NDFIP2: variants seen among roughly 807,000 people sequenced by gnomAD.
The protein encoded by NDFIP2 is Nedd4 family interacting protein 2.
Under a neutral mutation model 36.0 loss-of-function variants are expected in NDFIP2, and 19 were observed. The ratio of observed to expected loss-of-function variants is 0.53; its 90% CI spans 0.37 to 0.77. The LOEUF (loss-of-function observed/expected upper bound fraction) is 0.77, where lower values mean the gene tolerates loss of function less well. NDFIP2 is among the 30% of genes least tolerant of loss of function. The pLI is 0.00. For missense variants in NDFIP2, 446 were observed against 435.8 expected, an observed-to-expected ratio of 1.02 and a Z score of -0.21; for synonymous variants, 181 against 167.7, an observed-to-expected ratio of 1.08 and a Z score of -0.61.
At chr13:79,533,902 A>C (rs1875122010) in intron 3 of NDFIP2, among the ~76,000 whole-genome samples, 1 of 152,120 alleles carries the variant, frequency 6.6e-6, no homozygotes. Flanking sequence ...GTATTGTTGA[A>C]GGGTTACTGT....
chr13:79,525,668 A>C (rs950768438), intron 2 of NDFIP2, among the ~76,000 whole-genome samples: 2 of 152,196 alleles, frequency 1.3e-5, no homozygotes, highest in African/African-American at 2.4e-5. Context: ...CAAAGGGATG[A>C]TTCACATCCT....
intron 3 of NDFIP2, 101 bp from the exon 4 acceptor site, chr13:79,539,581 A>G: frequency 1.1e-6 from 1 of 901,508 alleles, no homozygotes; most frequent in South Asian, 1.5e-5. Context: ...TGTCTATACA[A>G]CAAATTGAGA....
At chr13:79,507,732 A>T (rs1255325879) in intron 1 of NDFIP2, among the ~76,000 whole-genome samples, 1 of 152,010 alleles carries the variant, frequency 6.6e-6, no homozygotes, top group East Asian at 1.9e-4. Flanking sequence ...AAATATTAAA[A>T]CTATGAAACA....
At chr13:79,512,262 A>G (rs138715996) in intron 1 of NDFIP2, among the ~76,000 whole-genome samples, 2 of 152,330 alleles carry the variant, frequency 1.3e-5, no homozygotes, top group African/African-American at 4.8e-5. Context: ...TTAGCTTGTG[A>G]AAACCAAAGC....
At chr13:79,538,578 C>T (rs1875335985) in intron 3 of NDFIP2, among the ~76,000 whole-genome samples, 3 of 152,108 alleles carry the variant, frequency 2.0e-5, no homozygotes, top group Non-Finnish European at 4.4e-5. Flanking sequence ...GTCATTAAAT[C>T]CTAAAGTTCC....
chr13:79,509,053 A>G (rs934436514), intron 1 of NDFIP2, among the ~76,000 whole-genome samples: 6 of 152,084 alleles, frequency 3.9e-5, no homozygotes, highest in Non-Finnish European at 8.8e-5. Context: ...TAATTTAAAC[A>G]TTAAAACTAT....
chr13:79,482,621 A>G (rs900121706), intron 1 of NDFIP2, among the ~76,000 whole-genome samples: 3 of 76,530 alleles, frequency 3.9e-5, no homozygotes, highest in Admixed American at 1.3e-4. Flanking sequence ...CTATTTGCAC[A>G]TGTAAGACAG....
At chr13:79,552,158 C>A (rs1473268760) in intron 7 of NDFIP2, among the ~76,000 whole-genome samples, 1 of 151,318 alleles carries the variant, frequency 6.6e-6, no homozygotes, top group African/African-American at 2.4e-5. Context: ...TCTCCCCCAA[C>A]CACTCCCAAA....
At chr13:79,498,851 G>A (rs1009858521) in intron 1 of NDFIP2, among the ~76,000 whole-genome samples, 6 of 151,702 alleles carry the variant, frequency 4.0e-5, no homozygotes, top group African/African-American at 9.7e-5. Flanking sequence ...ATAATTTAAG[G>A]AAAAAATTAT....
At position 79,535,132 on chromosome 13, in the gene NDFIP2, G is replaced by A. The variant is rs181388307; in HGVS notation, c.621+1676G>A. On this transcript the variant is annotated intron_variant, in intron 3 of 7. Transcript: ENST00000218652. Reference sequence around the variant, plus strand: ...GGTATTTTTGTCTAAATAAGTTCTCGGTTACTTAGAACACATATATTTGTA... The same window carrying A: ...GGTATTTTTGTCTAAATAAGTTCTCAGTTACTTAGAACACATATATTTGTA... Among the ~76,000 whole-genome samples, 10 of 152,132 alleles carry A rather than the reference G, an allele frequency of 6.6e-5. No individual in the cohort carries two copies. The East Asian group carries it at 7.7e-4, about 12-fold the overall frequency.
intron 1 of NDFIP2, among the ~76,000 whole-genome samples, chr13:79,502,942 A>G (rs181123950): frequency 6.6e-6 from 1 of 150,960 alleles, no homozygotes; most frequent in East Asian, 1.9e-4. Context: ...ACACGTGGGT[A>G]GGGAGAAAGA....
Position 79,552,687 on chromosome 13 carries a change from A to G in NDFIP2, c.*174A>G, listed in dbSNP as rs1875952479. The G allele has an allele frequency of 6.6e-6, 1 of 151,992 alleles. No individual in the cohort carries two copies. Among genetic ancestry groups the G allele is most frequent in the South Asian group, 2.1e-4 (1 of 4,822 alleles). The allele number at this position is 151,992 out of a possible 1,614,324, so 9.4% of individuals were successfully genotyped here. Reference sequence around the variant, plus strand: ...TTTTGCTTACAAGCCATTTCTGTTCATTCTTTAAGTATCTATATTTCATTT... The same window carrying G: ...TTTTGCTTACAAGCCATTTCTGTTCGTTCTTTAAGTATCTATATTTCATTT... On this transcript the variant is annotated 3_prime_UTR_variant, in exon 8 of 8. Transcript: ENST00000218652.
chr13:79,548,796 G>A (rs188070458), intron 6 of NDFIP2, among the ~76,000 whole-genome samples: 2 of 152,098 alleles, frequency 1.3e-5, no homozygotes, highest in Admixed American at 1.3e-4. Context: ...TTATGCTTTT[G>A]AAATGTGCCT....
intron 1 of NDFIP2, among the ~76,000 whole-genome samples, chr13:79,484,920 A>C (rs559516910): frequency 3.9e-5 from 6 of 152,366 alleles, no homozygotes; most frequent in African/African-American, 1.4e-4. Context: ...GAAATAATAT[A>C]ATACATGTGT....
intron 1 of NDFIP2, among the ~76,000 whole-genome samples, chr13:79,518,560 T>C (rs977696451): frequency 9.2e-5 from 14 of 152,224 alleles, no homozygotes; most frequent in African/African-American, 3.4e-4. Context: ...TGTTAGAGAG[T>C]ACCACATAAT....
At chr13:79,545,216 C>T (rs1875620719) in intron 5 of NDFIP2, among the ~76,000 whole-genome samples, 1 of 152,118 alleles carries the variant, frequency 6.6e-6, no homozygotes, top group African/African-American at 2.4e-5. Context: ...TCTCAATTCT[C>T]CCTGTTAGTA....
At chr13:79,547,814 T>C (rs1444301896) in intron 5 of NDFIP2, among the ~76,000 whole-genome samples, 1 of 152,124 alleles carries the variant, frequency 6.6e-6, no homozygotes, top group Admixed American at 6.6e-5. Flanking sequence ...TGGGGGTCTT[T>C]ATGCACCTAG....
At position 79,554,554 on chromosome 13, in the gene NDFIP2, G is replaced by T. The variant is rs1876034838; in HGVS notation, c.*2041G>T. The T allele has an allele frequency of 6.6e-6, 1 of 151,648 alleles. No homozygotes were observed. The highest frequency in any genetic ancestry group is 2.4e-5 in the African/African-American group (1 of 41,342). The allele number at this position is 151,648 out of a possible 1,614,324, so 9.4% of individuals were successfully genotyped here. ...TGACTTTTCCCCCCAAATCTGTAAGGTTCAAGTATACATATTACTGAATCC... is the reference window on the plus strand; with the variant it reads ...TGACTTTTCCCCCCAAATCTGTAAGTTTCAAGTATACATATTACTGAATCC... On this transcript the variant is annotated 3_prime_UTR_variant, in exon 8 of 8. Transcript: ENST00000218652.
chr13:79,510,998 C>CAAAA (rs11425903), intron 1 of NDFIP2, among the ~76,000 whole-genome samples: 3 of 95,342 alleles, frequency 3.1e-5, no homozygotes, highest in Non-Finnish European at 4.2e-5. Flanking sequence ...GACTCTGTCT[C>CAAAA]AAAAAAAAAA....
Sources: gnomAD v4.1 joint callset for allele counts (sites outside exome capture counted in the v4.1 genomes callset) on GRCh38, gnomAD v4.1.1 for gene constraint, MANE v1.5 for transcripts, NCBI Gene and HGNC (gene_info 2026-07-23, HGNC 2026-07-21) for gene names.